COL6A6: variants seen among roughly 807,000 people sequenced by gnomAD.
The protein encoded by COL6A6 is collagen alpha-6(VI) chain.
Under a neutral mutation model 208.6 loss-of-function variants are expected in COL6A6, and 183 were observed. The ratio of observed to expected loss-of-function variants is 0.88; its 90% CI spans 0.78 to 0.99. The LOEUF is 0.99. COL6A6 is among the 50% of genes least tolerant of loss of function. COL6A6 has a pLI of 0.00. For synonymous variants in COL6A6, 973 were observed against 1,011.8 expected (o/e 0.96, Z 0.73); for missense variants, 2,816 against 2,815.2 (o/e 1.00, Z -0.01).
intron 12 of COL6A6, among the ~76,000 whole-genome samples, chr3:130,590,304 T>A: frequency 1.6e-5 from 1 of 62,574 alleles, no homozygotes; most frequent in Non-Finnish European, 2.9e-5. Flanking sequence ...TATATATTTT[T>A]TTTTTTTTTT....
intron 1 of COL6A6, among the ~76,000 whole-genome samples, chr3:130,535,158 AGTT>A (rs1484814369): frequency 1.3e-5 from 2 of 151,940 alleles, no homozygotes; most frequent in African/African-American, 2.4e-5. Flanking sequence ...GACCCATGTC[AGTT>A]GTTCTCACTC....
intron 20 of COL6A6, 44 bp downstream of exon 20, chr3:130,599,854 C>T (rs753827126): frequency 1.3e-6 from 2 of 1,594,138 alleles, no homozygotes; most frequent in Admixed American, 3.3e-5. Context: ...TTTGGTGGCT[C>T]ATGTTGTGGT....
intron 29 of COL6A6, among the ~76,000 whole-genome samples, 187 bp downstream of exon 29, chr3:130,641,901 C>T (rs991427846): frequency 6.6e-6 from 1 of 152,056 alleles, no homozygotes; most frequent in Non-Finnish European, 1.5e-5. Context: ...TGATTAAATA[C>T]ATCTCTTGAG....
chr3:130,608,107 C>T (rs2064240408), intron 21 of COL6A6, among the ~76,000 whole-genome samples: 2 of 152,232 alleles, frequency 1.3e-5, no homozygotes, highest in South Asian at 2.1e-4. Flanking sequence ...TAATCACCTC[C>T]TAAAGGCCCC....
intron 33 of COL6A6, among the ~76,000 whole-genome samples, chr3:130,651,425 C>CAAAAAAAAAAAA: frequency 1.6e-5 from 1 of 61,038 alleles, no homozygotes; most frequent in African/African-American, 6.4e-5. Context: ...GACTCCATCT[C>CAAAAAAAAAAAA]AAAAAAAAAA....
At chr3:130,598,960 C>G (rs1393388093) in intron 19 of COL6A6, among the ~76,000 whole-genome samples, 1 of 152,112 alleles carries the variant, frequency 6.6e-6, no homozygotes, top group African/African-American at 2.4e-5. Context: ...ACTGGATTTT[C>G]TTGGATAATG....
At chr3:130,627,556 G>A (rs1024086158) in intron 26 of COL6A6, among the ~76,000 whole-genome samples, 187 bp downstream of exon 26, 15 of 152,166 alleles carry the variant, frequency 9.9e-5, no homozygotes, top group African/African-American at 3.4e-4. Context: ...ATGGTTTAAG[G>A]TGCAGGCAAC....
intron 1 of COL6A6, among the ~76,000 whole-genome samples, chr3:130,548,841 A>G (rs2062579971): frequency 6.6e-6 from 1 of 152,196 alleles, no homozygotes; most frequent in Admixed American, 6.5e-5. Flanking sequence ...CTTTTCTGGT[A>G]AGTTGTGATT....
intron 34 of COL6A6, among the ~76,000 whole-genome samples, chr3:130,661,194 G>T (rs1453600622): frequency 6.6e-6 from 1 of 152,150 alleles, no homozygotes; most frequent in Non-Finnish European, 1.5e-5. Context: ...TGAAATAAAA[G>T]ATATATTACT....
At position 130,581,678 on chromosome 3, in the gene COL6A6, G is replaced by A. The variant is rs755865257; in HGVS notation, c.3665G>A (p.Ser1222Asn). 6.2e-7 allele frequency: 1 copy of A among 1,613,980 alleles called. No homozygotes were observed. Among genetic ancestry groups the A allele is most frequent in the Non-Finnish European group, 8.5e-7 (1 of 1,179,848 alleles). The change falls in exon 9 of 37, where the codon AGC (serine) becomes AAC (asparagine). Residue 1222 changes from serine to asparagine, a missense_variant. Transcript: ENST00000358511. ...TYLQDILRAI[S>N]SLNGVSCEVG... ...CTTCAAGACATCTTACGTGCCATCA[G>A]CTCCCTCAATGGAGTAAGCTGTGAG...
intron 5 of COL6A6, among the ~76,000 whole-genome samples, chr3:130,567,822 G>A (rs1023425181): frequency 6.6e-6 from 1 of 152,218 alleles, no homozygotes; most frequent in Non-Finnish European, 1.5e-5. Context: ...TACCCAAGAT[G>A]TCAATGGTGC....
chr3:130,661,907 A>G lies in COL6A6; in HGVS notation c.6101A>G (p.Asn2034Ser), dbSNP rs755669749. 24 of 1,613,856 alleles carry G rather than the reference A, an allele frequency of 1.5e-5. No homozygotes were observed. The highest frequency in any genetic ancestry group is 2.0e-5 in the Non-Finnish European group (24 of 1,179,890). Residue 2034 changes from asparagine (N) to serine (S), a missense_variant, in exon 35 of 37, where the codon AAT (asparagine) becomes AGT (serine). Asn to Ser is a conservative substitution (Grantham distance 46, BLOSUM62 1). Coordinates refer to ENST00000358511, the MANE Select transcript of COL6A6 (RefSeq NM_001102608.3). ...AAGAGTCCAGTTAGAGCTGAGTTCA[A>G]TCTTACCACCTACAGAAGTAAGCGC... is the stretch of plus-strand genomic sequence containing the variant. ...TQKSPVRAEF[N>S]LTTYRSKRLM... is the part of the protein sequence containing the mutation.
chr3:130,519,805 CCAT>C (rs1482827735), intron 1 of COL6A6, among the ~76,000 whole-genome samples: 6 of 152,166 alleles, frequency 3.9e-5, no homozygotes, highest in Non-Finnish European at 5.9e-5. Flanking sequence ...GGTGGTAAAG[CCAT>C]CATCATCATT....
chr3:130,565,156 A>G lies in COL6A6; in HGVS notation c.824A>G (p.Asn275Ser), dbSNP rs776035443. 1.9e-6 allele frequency: 3 copies of G among 1,614,054 alleles called. No individual in the cohort carries two copies. The highest frequency in any genetic ancestry group is 1.1e-5 in the South Asian group (1 of 91,086). The change falls in exon 4 of 37, where the codon AAT becomes AGT. Residue 275 changes from asparagine (N) to serine (S), a missense_variant. Transcript: ENST00000358511. The stretch of plus-strand genomic sequence containing the variant: ...AGGGTTGGCCTTGTGGCCTATAGCA[A>G]TGAGACAAAAGTGATAAATTCACTG... ...CMRVGLVAYS[N>S]ETKVINSLSM...
chr3:130,631,347 AG>A (rs2065003578), intron 26 of COL6A6, among the ~76,000 whole-genome samples: 1 of 100,132 alleles, frequency 1.0e-5, no homozygotes, highest in Non-Finnish European at 1.7e-5. Flanking sequence ...AGACTAAACC[AG>A]GAAGAAGTTG....
At position 130,608,763 on chromosome 3, in the gene COL6A6, C is replaced by CTTTTT. The variant is rs752049202; in HGVS notation, c.4690-116_4690-112dup. ...CTTTGTATTTGCATTTATTTTTCAC[C>CTTTTT]TTTTTTTTTTTTTTTTTTTTTTTTT... is the stretch of plus-strand genomic sequence containing the variant. On this transcript the variant is annotated intron_variant, in intron 21 of 36. Transcript: ENST00000358511. The CTTTTT allele has an allele frequency of 4.5e-5, 14 of 310,146 alleles. 1 individual carries two copies. In the African/African-American group the frequency reaches 4.6e-4, roughly 10 times the overall value. The allele number at this position is 310,146 out of a possible 1,614,324, so 19.2% of individuals were successfully genotyped here.
rs1364022693 is a variant in COL6A6 at position 130,565,032 on chromosome 3, T to C, written c.700T>C (p.Leu234=). ...GPSMADVVFL[L]DMSINGSEEN... ...TTCTATGGCCGATGTTGTGTTCCTA[T>C]TGGATATGTCAATCAATGGAAGTGA... Residue 234 remains leucine, a synonymous_variant, in exon 4 of 37, where the codon TTG becomes CTG. Coordinates refer to ENST00000358511, the MANE Select transcript of COL6A6 (RefSeq NM_001102608.3). The C allele has an allele frequency of 6.2e-7, 1 of 1,614,026 alleles. No homozygotes were observed. The highest frequency in any genetic ancestry group is 8.5e-7 in the Non-Finnish European group (1 of 1,179,886).
In COL6A6 at chr3:130,598,368, G is replaced by A; in HGVS notation, c.4537G>A (p.Ala1513Thr). The A allele has an allele frequency of 3.2e-6, 5 of 1,542,470 alleles. No homozygotes were observed. The highest frequency in any genetic ancestry group is 4.4e-6 in the Non-Finnish European group (5 of 1,139,334). The change falls in exon 19 of 37, where the codon GCT (alanine) becomes ACT (threonine). Residue 1513 changes from alanine to threonine, a missense_variant. Coordinates refer to ENST00000358511, the MANE Select transcript of COL6A6 (RefSeq NM_001102608.3). ...GAKGLRGDPG[A>T]PGVDSSIEGP... ...TCTCTTTATTTTCTATTTTTAGGGA[G>A]CTCCTGGAGTTGACAGTAGCATAGA...
chr3:130,643,814 CT>C (rs1449834520), intron 31 of COL6A6, among the ~76,000 whole-genome samples: 1 of 152,144 alleles, frequency 6.6e-6, no homozygotes, highest in East Asian at 1.9e-4. Flanking sequence ...AAATTAGAGC[CT>C]ATTTCAGTAG....
Sources: allele counts gnomAD v4.1 joint callset (sites outside exome capture counted in the v4.1 genomes callset), GRCh38; gene constraint gnomAD v4.1.1; transcripts MANE v1.5; gene names NCBI Gene and HGNC (gene_info 2026-07-23, HGNC 2026-07-21).